The following PXDN variants were observed in gnomAD, a reference collection of about 807,000 sequenced individuals.
PXDN encodes peroxidasin, also known as peroxidasin homolog.
In PXDN, 77 loss-of-function variants were observed where a neutral mutation model predicts 140.3. The observed-to-expected ratio is 0.55, with a 90% CI of 0.46 to 0.66. PXDN has a LOEUF of 0.66. Among genes scored for constraint, PXDN ranks in the 30% least tolerant of loss-of-function variants. The probability of loss-of-function intolerance (pLI) is 0.00; values close to 1 mark genes in which losing one functional copy is unlikely to be tolerated. For synonymous variants in PXDN, 911 were observed against 857.4 expected (o/e 1.06, Z -1.09); for missense variants, 1,838 against 2,039.5 (o/e 0.90, Z 1.90).
rs1378998972 is a variant in PXDN, at chr2:1,725,615, C to G, written c.200+18641G>C. On this transcript the variant is annotated intron_variant, in intron 1 of 22. Coordinates refer to ENST00000252804, the MANE Select transcript of PXDN (RefSeq NM_012293.3). ...ACTAAAGAGCTTCTGCATAGCAAAA[C>G]AAACTACCATCAGAGTGAACAGGCA... 5.3e-5 allele frequency among the ~76,000 whole-genome samples: 8 copies of G among 152,226 alleles called. No homozygotes were observed. The South Asian group carries it at 8.3e-4, about 16-fold the overall frequency.
intron 1 of PXDN, among the ~76,000 whole-genome samples, chr2:1,699,590 A>G (rs1368068184): frequency 6.6e-6 from 1 of 152,096 alleles, no homozygotes; most frequent in Non-Finnish European, 1.5e-5. Context: ...GGTGCCTGTA[A>G]TCCCAGCTAC....
At position 1,685,604 on chromosome 2, in the gene PXDN, GTACT is replaced by G. The variant is rs1418711631; in HGVS notation, c.417-1457_417-1454del. Among the ~76,000 whole-genome samples, 1 of 152,100 alleles carries G rather than the reference GTACT, an allele frequency of 6.6e-6. No individual in the cohort carries two copies. On this transcript the variant is annotated intron_variant, in intron 4 of 22. Transcript: ENST00000252804. The surrounding 1 kb of genome is among the most constrained non-coding windows in gnomAD (Gnocchi z 5.1). ...AAGCAAAGCCCAGAAGGATGAGGAG[GTACT>G]GACCGAGGGAAGGAAAGGGGGTATT...
intron 2 of PXDN, chr2:1,692,661 T>G (rs528418624): frequency 4.3e-6 from 2 of 468,756 alleles, no homozygotes; most frequent in African/African-American, 4.0e-5. Context: ...TGGGACTGCC[T>G]TGAACCCTCA....
At chr2:1,716,440 GAAAAAAAAAAA>G (rs550784477) in intron 1 of PXDN, among the ~76,000 whole-genome samples, 37 of 58,228 alleles carry the variant, frequency 6.4e-4, no homozygotes, top group African/African-American at 1.3e-3. Flanking sequence ...TCCATCTCAG[GAAAAAAAAAAA>G]AAAAAAAAAA....
intron 14 of PXDN, among the ~76,000 whole-genome samples, chr2:1,658,659 T>G (rs904286916): frequency 1.3e-5 from 2 of 151,930 alleles, no homozygotes; most frequent in Non-Finnish European, 2.9e-5. Context: ...GCTGGGAACT[T>G]CCTCATGGCG....
At chr2:1,686,370 C>G (rs973684593) in intron 4 of PXDN, among the ~76,000 whole-genome samples, 1 of 152,214 alleles carries the variant, frequency 6.6e-6, no homozygotes, top group African/African-American at 2.4e-5. Flanking sequence ...AAAATTTCAG[C>G]AAACATCTAC....
At position 1,687,611 on chromosome 2, in the gene PXDN, A is replaced by G. The variant is rs750194134; in HGVS notation, c.416+21T>C. The stretch of plus-strand genomic sequence containing the variant: ...CCAGACGGCATCCAAGAACTAAAGC[A>G]CGAAGAGAAGGGGCACTTACAGTTG... On this transcript the variant is annotated intron_variant, in intron 4 of 22. Coordinates refer to ENST00000252804, the MANE Select transcript of PXDN (RefSeq NM_012293.3). This position sits in a 1 kb window ranked among gnomAD's most constrained non-coding sequence, Gnocchi z 4.0. 6.8e-7 allele frequency: 1 copy of G among 1,472,168 alleles called. No individual in the cohort carries two copies. Among genetic ancestry groups the G allele is most frequent in the African/African-American group, 1.4e-5 (1 of 72,196 alleles). The allele number at this position is 1,472,168 out of a possible 1,614,324, so 91.2% of individuals were successfully genotyped here. A position where few individuals can be genotyped will look rare whatever the true frequency, so the allele number is the denominator to read the frequency against.
chr2:1,737,350 T>TAA (rs1685444914), intron 1 of PXDN, among the ~76,000 whole-genome samples: 1 of 152,102 alleles, frequency 6.6e-6, no homozygotes, highest in Non-Finnish European at 1.5e-5. Flanking sequence ...ATGACTGATC[T>TAA]CGTATCTACG....
chr2:1,720,722 TCTCACACA>T (rs1558526304), intron 1 of PXDN, among the ~76,000 whole-genome samples: 734 of 40,488 alleles, frequency 0.018, 14 homozygotes, highest in African/African-American at 0.025. Flanking sequence ...TCTCTCTCTC[TCTCACACA>T]CACACACACA....
chr2:1,668,613 A>C (rs1683502094), intron 9 of PXDN, among the ~76,000 whole-genome samples: 2 of 151,846 alleles, frequency 1.3e-5, no homozygotes, highest in Non-Finnish European at 1.5e-5. Context: ...CAAAAAAAAA[A>C]AACAACCCCA....
chr2:1,681,767 G>GT (rs1284948405), intron 6 of PXDN, among the ~76,000 whole-genome samples: 1 of 152,228 alleles, frequency 6.6e-6, no homozygotes. Context: ...CTGAAGGTCA[G>GT]TACAGGACCA....
In PXDN at chr2:1,693,136, T is replaced by C; in HGVS notation, c.201-2A>G. ...CTGATTCTGTTAAAGCGAAGATCTC[T>C]GTGAAGAAACAAGAAAGGTATTATT... On this transcript the variant is annotated splice_acceptor_variant, in intron 1 of 22. Coordinates refer to ENST00000252804, the MANE Select transcript of PXDN (RefSeq NM_012293.3). LOFTEE classifies it high-confidence loss of function. 6.5e-7 allele frequency: 1 copy of C among 1,548,768 alleles called. No individual in the cohort carries two copies.
At chr2:1,696,414 C>T (rs1030329296) in intron 1 of PXDN, among the ~76,000 whole-genome samples, 2 of 152,080 alleles carry the variant, frequency 1.3e-5, no homozygotes, top group African/African-American at 4.8e-5. Flanking sequence ...GTCCCCTTTA[C>T]TGCAAAGGGG....
chr2:1,662,260 C>T (rs1683323575), intron 12 of PXDN, 76 bp from the exon 13 acceptor site: 7 of 1,267,762 alleles, frequency 5.5e-6, no homozygotes, highest in Non-Finnish European at 7.9e-6. Flanking sequence ...AAATCCCCTG[C>T]CCTCCATCAG....
chr2:1,678,525 A>G lies in PXDN; in HGVS notation c.731-1481T>C, dbSNP rs1683785501. Among the ~76,000 whole-genome samples the G allele has an allele frequency of 1.3e-5, 2 of 152,234 alleles. 1 individual carries two copies. Among genetic ancestry groups the G allele is most frequent in the South Asian group, 4.1e-4 (2 of 4,836 alleles). On this transcript the variant is annotated intron_variant, in intron 7 of 22. Coordinates refer to ENST00000252804, the MANE Select transcript of PXDN (RefSeq NM_012293.3). ...TTGGAGTAAGGAGTAAAAGTATGAC[A>G]AAGTCTCCAAGGGCACAACCTCAGC...
At chr2:1,703,481 G>GT (rs2125459774) in intron 1 of PXDN, among the ~76,000 whole-genome samples, 1 of 38,962 alleles carries the variant, frequency 2.6e-5, no homozygotes, top group Admixed American at 2.3e-4. Context: ...CCAGGTGAAG[G>GT]GGGGGCAACT....
Position 1,685,644 on chromosome 2 carries a change from C to T in PXDN, c.417-1493G>A, listed in dbSNP as rs954765829. ...AGGAAAGGGGGTATTTCAAGCCCCACGGAGAGCGATGGGTGTAAAAATCCC... is the reference window on the plus strand; with the variant it reads ...AGGAAAGGGGGTATTTCAAGCCCCATGGAGAGCGATGGGTGTAAAAATCCC... On this transcript the variant is annotated intron_variant, in intron 4 of 22. Coordinates refer to ENST00000252804, the MANE Select transcript of PXDN (RefSeq NM_012293.3). The surrounding 1 kb of genome is among the most constrained non-coding windows in gnomAD (Gnocchi z 5.1). 3.3e-5 allele frequency among the ~76,000 whole-genome samples: 5 copies of T among 152,070 alleles called. No individual in the cohort carries two copies. The highest frequency in any genetic ancestry group is 7.4e-5 in the Non-Finnish European group (5 of 68,018).
intron 21 of PXDN, chr2:1,636,014 T>G: frequency 4.1e-6 from 1 of 246,530 alleles, no homozygotes; most frequent in Non-Finnish European, 7.9e-6. Context: ...CCTCAAACCC[T>G]CTCTTGCATC....
intron 3 of PXDN, among the ~76,000 whole-genome samples, chr2:1,689,200 G>T (rs77087859): frequency 6.6e-6 from 1 of 152,154 alleles, no homozygotes; most frequent in East Asian, 1.9e-4. Flanking sequence ...AAATTAATGT[G>T]TGTGTATATA....
Sources: gnomAD v4.1 joint callset for allele counts (sites outside exome capture counted in the v4.1 genomes callset) on GRCh38, gnomAD v4.1.1 for gene constraint, Gnocchi (gnomAD v3.1) non-coding constraint, MANE v1.5 for transcripts, NCBI Gene and HGNC (gene_info 2026-07-23, HGNC 2026-07-21) for gene names.